The following ANO6 variants were observed in gnomAD, a reference collection of about 807,000 sequenced individuals.
The protein encoded by ANO6 is anoctamin 6.
A neutral mutation model predicts 117.5 loss-of-function variants in ANO6; 106 were observed. The observed-to-expected ratio is 0.90, with a 90% confidence interval of 0.77 to 1.06. The LOEUF (loss-of-function observed/expected upper bound fraction) is 1.06, where lower values mean the gene tolerates loss of function less well. ANO6 is among the 50% of genes least tolerant of loss of function. The probability of loss-of-function intolerance (pLI) is 0.00; values close to 1 mark genes in which losing one functional copy is unlikely to be tolerated. For missense variants in ANO6, 955 were observed against 1,121.1 expected, an observed-to-expected ratio of 0.85 and a Z score of 2.12; for synonymous variants, 367 against 385.1, an observed-to-expected ratio of 0.95 and a Z score of 0.55.
intron 1 of ANO6, among the ~76,000 whole-genome samples, chr12:45,254,532 A>G (rs1329907691): frequency 1.3e-5 from 2 of 152,228 alleles, no homozygotes; most frequent in Non-Finnish European, 2.9e-5. Flanking sequence ...GATACTAACA[A>G]TCACTTGTAC....
chr12:45,439,449 A>G (rs1190335899), intron 19 of ANO6, among the ~76,000 whole-genome samples: 1 of 152,178 alleles, frequency 6.6e-6, no homozygotes, highest in African/African-American at 2.4e-5. Context: ...CAGGAGGCAA[A>G]TCAAACAAGG....
chr12:45,298,029 T>A lies in ANO6; in HGVS notation c.71-3985T>A, dbSNP rs190110650. Among the ~76,000 whole-genome samples the A allele has an allele frequency of 1.4e-4, 22 of 152,346 alleles. 1 individual carries two copies. In the East Asian group the frequency reaches 3.9e-3, roughly 27 times the overall value. On this transcript the variant is annotated intron_variant, in intron 1 of 19. Transcript: ENST00000320560. ...GTGCAAAATATAAAGTAGATTTTGA[T>A]GTTTGTTGAACCTGATTTTGAACTG...
At chr12:45,434,485 G>A (rs970894109), downstream of ANO6, among the ~76,000 whole-genome samples, 1 of 152,114 alleles carries the variant, frequency 6.6e-6, no homozygotes. Context: ...CAAGTATTTT[G>A]GTTCCTTTGG....
chr12:45,238,015 G>T (rs1243043407), intron 1 of ANO6, among the ~76,000 whole-genome samples: 2 of 152,036 alleles, frequency 1.3e-5, no homozygotes, highest in Non-Finnish European at 2.9e-5. Context: ...TCATGATTTG[G>T]CTCTCTGTCT....
intron 1 of ANO6, among the ~76,000 whole-genome samples, chr12:45,221,761 G>A (rs1256146497): frequency 1.3e-5 from 2 of 151,996 alleles, no homozygotes; most frequent in African/African-American, 2.4e-5. Context: ...GATTGTTTCC[G>A]GCAAGCAGAG....
At chr12:45,270,891 T>A (rs1938374562) in intron 1 of ANO6, among the ~76,000 whole-genome samples, 2 of 152,184 alleles carry the variant, frequency 1.3e-5, no homozygotes, top group Admixed American at 1.3e-4. Context: ...AGCTAATTTT[T>A]GTATTTTTAG....
At chr12:45,340,673 T>C (rs991454428) in intron 3 of ANO6, among the ~76,000 whole-genome samples, 1 of 152,180 alleles carries the variant, frequency 6.6e-6, no homozygotes, top group African/African-American at 2.4e-5. Flanking sequence ...TCAGCAAATA[T>C]TTATTGAGCA....
At chr12:45,421,882 T>G (rs984956413) in intron 18 of ANO6, among the ~76,000 whole-genome samples, 13 of 152,332 alleles carry the variant, frequency 8.5e-5, no homozygotes, top group African/African-American at 3.1e-4. Context: ...TTGATAAAGT[T>G]TGTGAACTGT....
chr12:45,378,802 AT>A (rs1009503915), intron 10 of ANO6, among the ~76,000 whole-genome samples: 3 of 152,250 alleles, frequency 2.0e-5, no homozygotes, highest in Admixed American at 6.5e-5. Context: ...CAACACAGTG[AT>A]TATGGGTGAG....
At chr12:45,296,477 G>A (rs533053376) in intron 1 of ANO6, among the ~76,000 whole-genome samples, 1 of 152,178 alleles carries the variant, frequency 6.6e-6, no homozygotes, top group South Asian at 2.1e-4. Flanking sequence ...TTTCCCATTA[G>A]TTCTAATTGC....
At chr12:45,397,827 C>A (rs1942666006) in intron 12 of ANO6, among the ~76,000 whole-genome samples, 1 of 152,074 alleles carries the variant, frequency 6.6e-6, no homozygotes, top group Admixed American at 6.6e-5. Flanking sequence ...ATAGTGGGGC[C>A]TGTTGGGCGG....
chr12:45,279,620 G>C (rs781661769), intron 1 of ANO6, among the ~76,000 whole-genome samples: 6 of 152,200 alleles, frequency 3.9e-5, no homozygotes, highest in Non-Finnish European at 8.8e-5. Flanking sequence ...CGAGTACGTG[G>C]AAAGCCCCTG....
intron 1 of ANO6, among the ~76,000 whole-genome samples, chr12:45,275,093 A>C (rs1423362299): frequency 6.6e-6 from 1 of 152,078 alleles, no homozygotes; most frequent in Non-Finnish European, 1.5e-5. Flanking sequence ...TGAAGGAGTT[A>C]GTAAATTAAT....
chr12:45,254,040 G>A (rs575965960), intron 1 of ANO6, among the ~76,000 whole-genome samples: 31 of 152,218 alleles, frequency 2.0e-4, no homozygotes, highest in African/African-American at 6.3e-4. Context: ...GGTGGTGTGC[G>A]TCTGTAGTCC....
At chr12:45,284,712 G>T (rs560703984) in intron 1 of ANO6, among the ~76,000 whole-genome samples, 1 of 152,142 alleles carries the variant, frequency 6.6e-6, no homozygotes, top group African/African-American at 2.4e-5. Flanking sequence ...GACTGTTGTC[G>T]TGTATCTAAG....
chr12:45,289,612 T>C (rs2137273840), intron 1 of ANO6, among the ~76,000 whole-genome samples: 1 of 152,356 alleles, frequency 6.6e-6, no homozygotes, highest in South Asian at 2.1e-4. Flanking sequence ...TAATTAAAAG[T>C]AGTATATCAA....
At chr12:45,366,007 T>G (rs944318829) in intron 8 of ANO6, among the ~76,000 whole-genome samples, 2 of 152,188 alleles carry the variant, frequency 1.3e-5, no homozygotes, top group African/African-American at 4.8e-5. Context: ...TTGTTTTTCC[T>G]TAGTTATTTG....
Position 45,417,319 on chromosome 12 carries a change from C to T in ANO6, c.2217+415C>T, listed in dbSNP as rs147541717. Among the ~76,000 whole-genome samples the T allele has an allele frequency of 2.6e-4, 39 of 152,196 alleles. No homozygotes were observed. In the East Asian group the frequency reaches 7.3e-3, roughly 29 times the overall value. Reference sequence around the variant, plus strand: ...TACCATATTTTACTACTACATATTCCAAAGCATCACCCTAAAATATTGACT... The same window carrying T: ...TACCATATTTTACTACTACATATTCTAAAGCATCACCCTAAAATATTGACT... On this transcript the variant is annotated intron_variant, in intron 17 of 19. Transcript: ENST00000320560.
chr12:45,301,180 G>C (rs1408923084), intron 1 of ANO6, among the ~76,000 whole-genome samples: 2 of 152,106 alleles, frequency 1.3e-5, no homozygotes, highest in African/African-American at 2.4e-5. Flanking sequence ...ATGTTCAAAT[G>C]ATAATTAGGG....
Sources: gnomAD v4.1 joint callset for allele counts (sites outside exome capture counted in the v4.1 genomes callset) on GRCh38, gnomAD v4.1.1 for gene constraint, MANE v1.5 for transcripts, NCBI Gene and HGNC (gene_info 2026-07-23, HGNC 2026-07-21) for gene names.